KAZN: variants seen among roughly 807,000 people sequenced by gnomAD.
KAZN encodes kazrin, periplakin interacting protein, also known as kazrin.
KAZN carries 40 observed loss-of-function variants against 87.4 expected under a neutral mutation model. That is an observed-to-expected ratio of 0.46 (90% CI 0.36 to 0.60). The LOEUF is 0.60. Among genes scored for constraint, KAZN ranks in the 20% least tolerant of loss-of-function variants. KAZN has a pLI of 0.00. For missense variants in KAZN, 898 were observed against 1,073.9 expected, an observed-to-expected ratio of 0.84 and a Z score of 2.29; for synonymous variants, 466 against 458.3, an observed-to-expected ratio of 1.02 and a Z score of -0.22.
chr1:14,484,277 C>A (rs778522756), intron 2 of KAZN, among the ~76,000 whole-genome samples: 2 of 152,084 alleles, frequency 1.3e-5, no homozygotes, highest in Non-Finnish European at 2.9e-5. Flanking sequence ...ATCTATTGCA[C>A]AACGGTGTGG....
intron 2 of KAZN, among the ~76,000 whole-genome samples, chr1:14,553,405 A>G (rs1000665574): frequency 6.6e-6 from 1 of 152,180 alleles, no homozygotes; most frequent in Non-Finnish European, 1.5e-5. Flanking sequence ...TGATTCTTAA[A>G]TCTTGGTAAC....
intron 1 of KAZN, among the ~76,000 whole-genome samples, chr1:14,163,857 C>T (rs903481537): frequency 1.3e-5 from 2 of 152,182 alleles, no homozygotes; most frequent in Non-Finnish European, 2.9e-5. Context: ...TCTGCCGTTA[C>T]GTAGCAAGAA....
chr1:14,942,466 G>A (rs1019768072), intron 1 of KAZN, among the ~76,000 whole-genome samples: 2 of 152,200 alleles, frequency 1.3e-5, no homozygotes, highest in South Asian at 4.1e-4. Context: ...CGCTCCAAAC[G>A]TTAACACGCA....
In KAZN at chr1:14,580,556, G is replaced by A. The variant is rs372959692; in HGVS notation, c.250-18427G>A. 6.6e-5 allele frequency among the ~76,000 whole-genome samples: 10 copies of A among 152,286 alleles called. No homozygotes were observed. The South Asian group carries it at 1.2e-3, about 19-fold the overall frequency. ...CGCAGCCATGTGTAATGACGAATGT[G>A]TGGCTGACGTTAGTGGATATGGAGG... On this transcript the variant is annotated intron_variant, in intron 2 of 16. Transcript: ENST00000636203.
intron 2 of KAZN, among the ~76,000 whole-genome samples, chr1:14,257,959 T>TAAAAAAAAAAAAAAAAAAAAAAAAAAAA (rs1168366132): frequency 3.5e-5 from 1 of 28,742 alleles, no homozygotes; most frequent in African/African-American, 1.1e-4. Context: ...AAAAAAACAT[T>TAAAAAAAAAAAAAAAAAAAAAAAAAAAA]AAAAAAAAAA....
chr1:14,239,267 T>C, intron 2 of KAZN, among the ~76,000 whole-genome samples: 1 of 152,164 alleles, frequency 6.6e-6, no homozygotes, highest in Non-Finnish European at 1.5e-5. Flanking sequence ...TAAATCATTC[T>C]TGTTTTTCTG....
intron 1 of KAZN, among the ~76,000 whole-genome samples, chr1:14,627,383 T>C (rs1377113724): frequency 1.3e-5 from 2 of 151,634 alleles, no homozygotes; most frequent in East Asian, 3.9e-4. Context: ...AGAGATGAGA[T>C]CAGAGGGGTG....
intron 1 of KAZN, among the ~76,000 whole-genome samples, chr1:14,063,843 T>C (rs1026353340): frequency 3.9e-5 from 6 of 152,166 alleles, no homozygotes; most frequent in Non-Finnish European, 5.9e-5. Context: ...TTCCGCGGCA[T>C]AGGCTCTCTT....
chr1:14,598,785 C>A lies in KAZN; in HGVS notation c.-213C>A, dbSNP rs1213545471. The A allele has an allele frequency of 7.4e-7, 1 of 1,351,706 alleles. No homozygotes were observed. Among genetic ancestry groups the A allele is most frequent in the Non-Finnish European group, 9.5e-7 (1 of 1,057,034 alleles). 83.7% of individuals were successfully genotyped at this position (1,351,706 alleles called of 1,614,324 possible). ...TTTTTTCTCCTCCGCCTCCTCCCCC[C>A]GCCGCCTCGCCACCGCCGCGGCTAG... is the stretch of plus-strand genomic sequence containing the variant. On this transcript the variant is annotated 5_prime_UTR_variant, in exon 1 of 15. Coordinates refer to ENST00000376030, the MANE Select transcript of KAZN (RefSeq NM_201628.3). The surrounding 1 kb of genome is among the most constrained non-coding windows in gnomAD (Gnocchi z 4.2).
chr1:14,704,170 CTG>C (rs1269672385), intron 1 of KAZN, among the ~76,000 whole-genome samples: 1 of 152,232 alleles, frequency 6.6e-6, no homozygotes, highest in Non-Finnish European at 1.5e-5. Flanking sequence ...ACCTAGAAGA[CTG>C]TACCAACAGA....
intron 2 of KAZN, among the ~76,000 whole-genome samples, chr1:14,527,465 C>T (rs1671939867): frequency 6.7e-6 from 1 of 150,330 alleles, no homozygotes; most frequent in Admixed American, 6.6e-5. Flanking sequence ...AGGAGAATCA[C>T]TTGAACCCAG....
chr1:15,040,428 C>T (rs568337723), intron 3 of KAZN, among the ~76,000 whole-genome samples: 2 of 152,248 alleles, frequency 1.3e-5, no homozygotes, highest in East Asian at 3.9e-4. Flanking sequence ...GGGGATGGCA[C>T]AGGAACAAGG....
At chr1:15,067,491 T>A (rs1360764095) in intron 8 of KAZN, 5 of 985,484 alleles carry the variant, frequency 5.1e-6, no homozygotes, top group Non-Finnish European at 6.0e-6. Flanking sequence ...TCAATTTCCT[T>A]ATTCTTTTGC....
intron 1 of KAZN, among the ~76,000 whole-genome samples, chr1:14,790,512 T>G (rs1191766982): frequency 6.6e-6 from 1 of 152,218 alleles, no homozygotes; most frequent in Non-Finnish European, 1.5e-5. Flanking sequence ...AACAGAGTTG[T>G]GCCACCATCA....
intron 2 of KAZN, among the ~76,000 whole-genome samples, chr1:15,010,386 C>CT (rs34697316): frequency 2.2e-3 from 172 of 78,120 alleles, no homozygotes; most frequent in Middle Eastern, 7.1e-3. Context: ...GGTTGTCTTG[C>CT]TTTTTTTTTT....
chr1:14,371,031 G>A (rs1396070222), intron 2 of KAZN, among the ~76,000 whole-genome samples: 1 of 152,144 alleles, frequency 6.6e-6, no homozygotes, highest in Non-Finnish European at 1.5e-5. Context: ...ATTGAACCAG[G>A]GGTAGGTGAT....
intron 1 of KAZN, among the ~76,000 whole-genome samples, chr1:14,838,370 G>A (rs993806596): frequency 1.3e-5 from 2 of 152,168 alleles, no homozygotes; most frequent in African/African-American, 4.8e-5. Context: ...ATGACTTCTG[G>A]AATTGCTCTT....
chr1:14,790,921 A>G (rs1405592722), intron 1 of KAZN, among the ~76,000 whole-genome samples: 1 of 152,130 alleles, frequency 6.6e-6, no homozygotes, highest in Non-Finnish European at 1.5e-5. Context: ...CGAACTCCTG[A>G]GCTCAAGCGA....
chr1:14,897,906 T>C (rs150704629), intron 1 of KAZN, among the ~76,000 whole-genome samples: 1 of 152,328 alleles, frequency 6.6e-6, no homozygotes, highest in East Asian at 1.9e-4. Flanking sequence ...AGGAGCTGTC[T>C]GGGATCAGAC....
Sources: gnomAD v4.1 joint callset for allele counts (sites outside exome capture counted in the v4.1 genomes callset) on GRCh38, gnomAD v4.1.1 for gene constraint, Gnocchi (gnomAD v3.1) non-coding constraint, MANE v1.5 for transcripts, NCBI Gene and HGNC (gene_info 2026-07-23, HGNC 2026-07-21) for gene names.